EP300: variants seen among roughly 807,000 people sequenced by gnomAD.
The protein encoded by EP300 is EP300 lysine acetyltransferase, also known as histone acetyltransferase p300.
Under a neutral mutation model 264.0 loss-of-function variants are expected in EP300, and 31 were observed. The ratio of observed to expected loss-of-function variants is 0.12; its 90% CI spans 0.09 to 0.16. The LOEUF is 0.16. EP300 is among the 10% of genes least tolerant of loss of function. EP300 has a pLI of 1.00. For synonymous variants in EP300, 1,340 were observed against 1,045.4 expected (o/e 1.28, Z -5.44); for missense variants, 2,766 against 3,052.9 (o/e 0.91, Z 2.21).
rs1410543176 is a variant in EP300, at chr22:41,131,546, C to T, written c.1441C>T (p.Pro481Ser). ...LGLPYQVNQM[P>S]TQPQVQAKNQ... The stretch of plus-strand genomic sequence containing the variant: ...ACTACCCTATCAAGTAAATCAGATG[C>T]CGACACAACCCCAGGTGCAAGCAAA... The change falls in exon 6 of 31, where the codon CCG (proline) becomes TCG (serine). Residue 481 changes from proline to serine, a missense_variant. By Grantham distance (74) the Pro-to-Ser change is moderately conservative (BLOSUM62 -1). Coordinates refer to ENST00000263253, the MANE Select transcript of EP300 (RefSeq NM_001429.4). 1.9e-6 allele frequency: 3 copies of T among 1,614,016 alleles called. No individual in the cohort carries two copies. The African/African-American group carries it at 4.0e-5, about 22-fold the overall frequency.
intron 7 of EP300, among the ~76,000 whole-genome samples, chr22:41,136,666 A>G (rs1209363561): frequency 2.0e-5 from 3 of 152,002 alleles, no homozygotes; most frequent in Non-Finnish European, 4.4e-5. Context: ...CTCAAAAGAT[A>G]AAAATTATTA....
intron 1 of EP300, among the ~76,000 whole-genome samples, chr22:41,104,693 C>T (rs1405253453): frequency 2.6e-5 from 4 of 152,284 alleles, no homozygotes; most frequent in African/African-American, 9.6e-5. Flanking sequence ...AGGTCACATT[C>T]TTGATCAATT....
Position 41,092,764 on chromosome 22 carries a change from C to G in EP300, c.-241C>G. ...CGCTCGGCGAATTTGTGCTCTTGTG[C>G]CCTCCTCCGGGCTTGGGCCCAGGCC... On this transcript the variant is annotated 5_prime_UTR_variant, in exon 1 of 31. Coordinates refer to ENST00000263253, the MANE Select transcript of EP300 (RefSeq NM_001429.4). 1 of 622,058 alleles carries G rather than the reference C, an allele frequency of 1.6e-6. No homozygotes were observed. The highest frequency in any genetic ancestry group is 2.9e-6 in the Non-Finnish European group (1 of 342,784). The allele number at this position is 622,058 out of a possible 1,614,324, so 38.5% of individuals were successfully genotyped here. A position where few individuals can be genotyped will look rare whatever the true frequency, so the allele number is the denominator to read the frequency against.
intron 27 of EP300, among the ~76,000 whole-genome samples, chr22:41,172,065 G>GTA (rs1358544792): frequency 6.6e-6 from 1 of 152,156 alleles, no homozygotes; most frequent in African/African-American, 2.4e-5. Context: ...ACTATTTCCA[G>GTA]TATTTGTAGT....
intron 6 of EP300, among the ~76,000 whole-genome samples, chr22:41,135,182 C>A (rs567719642): frequency 1.3e-5 from 2 of 152,262 alleles, no homozygotes; most frequent in African/African-American, 4.8e-5. Context: ...TTACAGGACG[C>A]CCAGCCAGCA....
chr22:41,105,409 CT>C (rs1249948526), intron 1 of EP300, among the ~76,000 whole-genome samples: 1 of 149,668 alleles, frequency 6.7e-6, no homozygotes, highest in Non-Finnish European at 1.5e-5. Flanking sequence ...TTGTTTGTTT[CT>C]TTTTTTGAGA....
Position 41,137,665 on chromosome 22 carries a change from T to A in EP300, c.1635T>A (p.Ser545Arg), listed in dbSNP as rs759693947. Residue 545 changes from serine (S) to arginine (R), a missense_variant, in exon 8 of 31, where the codon AGT becomes AGA. Transcript: ENST00000263253. ...SAINSQNPMMSENASVPSLGP... is the reference protein window; with the variant it reads ...SAINSQNPMMRENASVPSLGP... ...CCCCTTTTTGAAGCCCAATGATGAGTGAAAATGCCAGTGTGCCCTCCCTGG... is the reference window on the plus strand; with the variant it reads ...CCCCTTTTTGAAGCCCAATGATGAGAGAAAATGCCAGTGTGCCCTCCCTGG... 4 of 1,613,996 alleles carry A rather than the reference T, an allele frequency of 2.5e-6. No homozygotes were observed. In the African/African-American group the frequency reaches 4.0e-5, roughly 16 times the overall value.
In EP300 at chr22:41,179,377, T is replaced by C. The variant is rs2059225953; in HGVS notation, c.*421T>C. 4.7e-6 allele frequency: 1 copy of C among 213,516 alleles called. No homozygotes were observed. Among genetic ancestry groups the C allele is most frequent in the Admixed American group, 5.6e-5 (1 of 17,990 alleles). 13.2% of individuals were successfully genotyped at this position (213,516 alleles called of 1,614,324 possible). ...ACATTTTTCCCTATTTTCCTCACTT[T>C]ATGGAAGAGTTAAAACATTTCTAAA... On this transcript the variant is annotated 3_prime_UTR_variant, in exon 31 of 31. Transcript: ENST00000263253.
In EP300 at chr22:41,152,206, T is replaced by G. The variant is rs2059050200; in HGVS notation, c.2998T>G (p.Ser1000Ala). ...ADTQPEDISE[S>A]KVEDCKMEST... ...TAAAAATTCTTACGTTTTCTTTTAG[T>G]CTAAAGTGGAAGACTGTAAAATGGA... Residue 1000 changes from serine to alanine, a missense_variant and splice_region_variant, in exon 16 of 31, where the codon TCT becomes GCT. Physicochemically the swap from Ser to Ala is moderately conservative, Grantham distance 99. Transcript: ENST00000263253. 6.2e-7 allele frequency: 1 copy of G among 1,614,078 alleles called. No homozygotes were observed. Among genetic ancestry groups the G allele is most frequent in the Non-Finnish European group, 8.5e-7 (1 of 1,179,956 alleles).
chr22:41,105,393 TTTTG>T (rs145787351), intron 1 of EP300, among the ~76,000 whole-genome samples: 6,129 of 151,650 alleles, frequency 0.04, 410 homozygotes, highest in East Asian at 0.21. Flanking sequence ...TTTTGGGTTT[TTTTG>T]TTTGTTTGTT....
rs1364600393 is a variant in EP300 at position 41,173,544 on chromosome 22, A to G, written c.4618-79A>G. 3.5e-6 allele frequency: 5 copies of G among 1,420,132 alleles called. No individual in the cohort carries two copies. In the African/African-American group the frequency reaches 7.1e-5, roughly 20 times the overall value. The allele number at this position is 1,420,132 out of a possible 1,614,324, so 88.0% of individuals were successfully genotyped here. On this transcript the variant is annotated intron_variant, in intron 28 of 30. Transcript: ENST00000263253. The stretch of plus-strand genomic sequence containing the variant: ...ATAAGATTATGATATCTAGTTTCAA[A>G]GAAGGGAGATATTCTGTGCTATTCC...
At chr22:41,147,317 AAAGC>A (rs1208928422) in intron 11 of EP300, among the ~76,000 whole-genome samples, 1 of 151,956 alleles carries the variant, frequency 6.6e-6, no homozygotes, top group Non-Finnish European at 1.5e-5. Context: ...AAAAAAAAAA[AAAGC>A]AGATTGTAAA....
chr22:41,167,584 G>GTATGTATA (rs2059143930), intron 23 of EP300, among the ~76,000 whole-genome samples: 1 of 34,502 alleles, frequency 2.9e-5, no homozygotes, highest in Non-Finnish European at 4.8e-5. Flanking sequence ...GTGTGTGTGT[G>GTATGTATA]TATATATATA....
chr22:41,137,574 T>A, intron 7 of EP300, 79 bp from the exon 8 acceptor site: 1 of 1,570,440 alleles, frequency 6.4e-7, no homozygotes, highest in Non-Finnish European at 8.8e-7. Context: ...TCCATTACAA[T>A]AATCAGTGTC....
Position 41,176,883 on chromosome 22 carries a change from C to A in EP300, c.5172C>A (p.Thr1724=), listed in dbSNP as rs142330184. 452 of 1,613,994 alleles carry A rather than the reference C, an allele frequency of 2.8e-4. No homozygotes were observed. The highest frequency in any genetic ancestry group is 3.7e-4 in the Non-Finnish European group (437 of 1,179,990). Residue 1724 remains threonine, a synonymous_variant, in exon 31 of 31, where the codon ACC becomes ACA. Coordinates refer to ENST00000263253, the MANE Select transcript of EP300 (RefSeq NM_001429.4). ...DESNNQQAAA[T]QSPGDSRRLS... ...GCAACAACCAGCAGGCTGCAGCCAC[C>A]CAGAGCCCAGGCGATTCTCGCCGCC...
chr22:41,115,817 G>A (rs948432718), intron 1 of EP300, among the ~76,000 whole-genome samples: 1 of 152,208 alleles, frequency 6.6e-6, no homozygotes, highest in African/African-American at 2.4e-5. Context: ...TATTCTGTAG[G>A]CTACAGGTCA....
Position 41,177,770 on chromosome 22 carries a change from A to G in EP300, c.6059A>G (p.Gln2020Arg). The G allele has an allele frequency of 1.2e-6, 2 of 1,613,982 alleles. No homozygotes were observed. Among genetic ancestry groups the G allele is most frequent in the South Asian group, 1.1e-5 (1 of 91,084 alleles). The change falls in exon 31 of 31, where the codon CAG (glutamine) becomes CGG (arginine). Residue 2020 changes from glutamine to arginine, a missense_variant. Physicochemically the swap from Gln to Arg is conservative, Grantham distance 43 (BLOSUM62 1). Transcript: ENST00000263253. Reference sequence around the variant, plus strand: ...AGGCCAGCCATGATGTCAGTGGCCCAGCATGGTCAACCTTTGAACATGGCT... The same window carrying G: ...AGGCCAGCCATGATGTCAGTGGCCCGGCATGGTCAACCTTTGAACATGGCT... ...MPRPAMMSVA[Q>R]HGQPLNMAPQ...
chr22:41,130,399 T>C (rs1319481082), intron 5 of EP300, among the ~76,000 whole-genome samples: 1 of 152,036 alleles, frequency 6.6e-6, no homozygotes, highest in Non-Finnish European at 1.5e-5. Flanking sequence ...CCAAAAACTT[T>C]AAAAATTAGT....
At chr22:41,125,225 T>C (rs1159895069) in intron 2 of EP300, among the ~76,000 whole-genome samples, 1 of 149,568 alleles carries the variant, frequency 6.7e-6, no homozygotes, top group Non-Finnish European at 1.5e-5. Flanking sequence ...TTCACTCCAT[T>C]CTCCTGCCTC....
Sources: gnomAD v4.1 joint callset for allele counts (sites outside exome capture counted in the v4.1 genomes callset) on GRCh38, gnomAD v4.1.1 for gene constraint, MANE v1.5 for transcripts, NCBI Gene and HGNC (gene_info 2026-07-23, HGNC 2026-07-21) for gene names.